The following MRPL35 variants were observed in gnomAD, a reference collection of about 807,000 sequenced individuals.
The protein encoded by MRPL35 is large ribosomal subunit protein bL35m.
A neutral mutation model predicts 21.6 loss-of-function variants in MRPL35; 18 were observed. That is an observed-to-expected ratio of 0.83 (90% CI 0.58 to 1.24). The LOEUF is 1.24. MRPL35 is among the 50% of genes most tolerant of loss of function. The pLI is 0.00. For synonymous variants in MRPL35, 87 were observed against 86.9 expected (o/e 1.00, Z -0.01); for missense variants, 223 against 223.2 (o/e 1.00, Z 0.01).
chr2:86,206,411 C>T, intron 2 of MRPL35, 116 bp downstream of exon 2: 1 of 939,884 alleles, frequency 1.1e-6, no homozygotes, highest in Non-Finnish European at 1.6e-6. Flanking sequence ...CAGCTCACTG[C>T]AACCTCCACC....
chr2:86,199,629 A>G, intron 1 of MRPL35, 96 bp downstream of exon 1: 1 of 1,458,594 alleles, frequency 6.9e-7, no homozygotes, highest in Middle Eastern at 2.0e-4. Flanking sequence ...AACAAGCAAA[A>G]AGGGTCATTA....
Position 86,210,893 on chromosome 2 carries a change from G to A in MRPL35, c.*225G>A, listed in dbSNP as rs1342610091. 24 of 1,202,662 alleles carry A rather than the reference G, an allele frequency of 2.0e-5. No homozygotes were observed. Among genetic ancestry groups the A allele is most frequent in the Non-Finnish European group, 2.5e-5 (24 of 966,654 alleles). The allele number at this position is 1,202,662 out of a possible 1,614,324, so 74.5% of individuals were successfully genotyped here. A position where few individuals can be genotyped will look rare whatever the true frequency, so the allele number is the denominator to read the frequency against. ...AATGGTGCATTATTTTTAACAAATG[G>A]TATTGGCTTAACTAGTTGTTTCAGT... On this transcript the variant is annotated 3_prime_UTR_variant, in exon 4 of 4. Coordinates refer to ENST00000337109, the MANE Select transcript of MRPL35 (RefSeq NM_016622.4).
chr2:86,212,716 A>G lies in MRPL35; in HGVS notation c.*2048A>G. On this transcript the variant is annotated 3_prime_UTR_variant, in exon 4 of 4. Transcript: ENST00000337109. ...AAGATGGACTGAAGTGGGATGGCTG[A>G]CAGGCACATAACTTACGGGAAAGGG... 1.7e-6 allele frequency: 2 copies of G among 1,203,676 alleles called. No homozygotes were observed. Among genetic ancestry groups the G allele is most frequent in the East Asian group, 3.5e-5 (1 of 28,258 alleles). 74.6% of individuals were successfully genotyped at this position (1,203,676 alleles called of 1,614,324 possible).
At chr2:86,199,625 C>T in intron 1 of MRPL35, 92 bp downstream of exon 1, 1 of 1,452,160 alleles carries the variant, frequency 6.9e-7, no homozygotes, top group Non-Finnish European at 9.5e-7. Flanking sequence ...GGTTAACAAG[C>T]AAAAAGGGTC....
At chr2:86,200,674 A>G (rs1023911718) in intron 1 of MRPL35, among the ~76,000 whole-genome samples, 7 of 151,486 alleles carry the variant, frequency 4.6e-5, no homozygotes, top group African/African-American at 1.7e-4. Flanking sequence ...TCTCATTGCT[A>G]TATAATTCTT....
chr2:86,209,677 A>G (rs993552957), intron 3 of MRPL35, among the ~76,000 whole-genome samples: 1 of 152,192 alleles, frequency 6.6e-6, no homozygotes, highest in African/African-American at 2.4e-5. Flanking sequence ...AAAATAATAA[A>G]TGAAGCAATA....
chr2:86,199,583 T>A (rs1332591806), intron 1 of MRPL35, 50 bp downstream of exon 1: 1 of 1,607,064 alleles, frequency 6.2e-7, no homozygotes, highest in Non-Finnish European at 8.5e-7. Context: ...AAGGGGAAAC[T>A]GGTGCGGGAT....
Position 86,206,171 on chromosome 2 carries a change from CTT to C in MRPL35, c.110_111del (p.Leu37HisfsTer10). The C allele has an allele frequency of 1.2e-6, 2 of 1,613,966 alleles. No individual in the cohort carries two copies. Among genetic ancestry groups the C allele is most frequent in the South Asian group, 2.2e-5 (2 of 91,082 alleles). On this transcript the variant is annotated frameshift_variant, in exon 2 of 4. Transcript: ENST00000337109. LOFTEE classifies it high-confidence loss of function. ...CCGCAACTGTGTCAAGAATGCCTCT[CTT>C]ATTTCTGCATTGTCCACTGGACGTT... ...TYRNCVKNAS[L>X]ISALSTGRFS...
chr2:86,201,971 T>G (rs1395238137), intron 1 of MRPL35, among the ~76,000 whole-genome samples: 1 of 152,240 alleles, frequency 6.6e-6, no homozygotes, highest in Admixed American at 6.5e-5. Context: ...TTACCTCTTT[T>G]GTGAAAACAT....
chr2:86,205,129 G>A (rs12714174), intron 1 of MRPL35, among the ~76,000 whole-genome samples: 62,072 of 151,922 alleles, frequency 0.41, 13,816 homozygotes, highest in Non-Finnish European at 0.51. Context: ...GGAGGCTGAG[G>A]TGGGAAGATA....
At position 86,210,793 on chromosome 2, in the gene MRPL35, A is replaced by G; in HGVS notation, c.*125A>G. 4 of 1,357,680 alleles carry G rather than the reference A, an allele frequency of 2.9e-6. No individual in the cohort carries two copies. The highest frequency in any genetic ancestry group is 2.9e-6 in the Non-Finnish European group (3 of 1,049,338). 84.1% of individuals were successfully genotyped at this position (1,357,680 alleles called of 1,614,324 possible). A position where few individuals can be genotyped will look rare whatever the true frequency, so the allele number is the denominator to read the frequency against. On this transcript the variant is annotated 3_prime_UTR_variant, in exon 4 of 4. Transcript: ENST00000337109. ...ATGAATACGTAAACATACAGTGACA[A>G]CATTAAACTTAGAAAAGTTTTAAAA...
At chr2:86,204,575 G>A (rs547781778) in intron 1 of MRPL35, among the ~76,000 whole-genome samples, 16 of 152,074 alleles carry the variant, frequency 1.1e-4, no homozygotes, top group Admixed American at 2.0e-4. Context: ...GGAGCTCCAC[G>A]AGTGATTCCG....
chr2:86,208,133 T>C (rs1330965099), intron 3 of MRPL35, among the ~76,000 whole-genome samples: 1 of 152,186 alleles, frequency 6.6e-6, no homozygotes, highest in Non-Finnish European at 1.5e-5. Context: ...ATAAATGGGT[T>C]GGTTGGAACT....
upstream of MRPL35, chr2:86,199,433 A>C: frequency 2.5e-6 from 4 of 1,604,986 alleles, no homozygotes; most frequent in East Asian, 2.2e-5. Context: ...CTTTCCCTTC[A>C]TTCTCTTTTG....
chr2:86,203,446 T>C (rs1386429380), intron 1 of MRPL35, among the ~76,000 whole-genome samples: 1 of 152,226 alleles, frequency 6.6e-6, no homozygotes, highest in Non-Finnish European at 1.5e-5. Context: ...CTTTGTTTCA[T>C]GTACAAAATT....
chr2:86,204,565 G>A lies in MRPL35; in HGVS notation c.44-1541G>A, dbSNP rs1015350707. On this transcript the variant is annotated intron_variant, in intron 1 of 3. Coordinates refer to ENST00000337109, the MANE Select transcript of MRPL35 (RefSeq NM_016622.4). ...TCAGTCAGAATTTATGGGTGGAGTC[G>A]GAGCTCCACGAGTGATTCCGATTTG... Among the ~76,000 whole-genome samples, 7 of 151,834 alleles carry A rather than the reference G, an allele frequency of 4.6e-5. No individual in the cohort carries two copies. The South Asian group carries it at 6.2e-4, about 13-fold the overall frequency.
chr2:86,206,081 A>G (rs201036123), intron 1 of MRPL35, 25 bp from the exon 2 acceptor site: 2 of 1,551,214 alleles, frequency 1.3e-6, no homozygotes, highest in African/African-American at 1.4e-5. Context: ...TGGAGTATTA[A>G]ATATATATGC....
chr2:86,205,967 G>A (rs1322469536), intron 1 of MRPL35, 139 bp from the exon 2 acceptor site: 9 of 767,614 alleles, frequency 1.2e-5, no homozygotes, highest in Non-Finnish European at 1.9e-5. Context: ...TAGTAAGGTG[G>A]TAAAAGCTTC....
At chr2:86,209,265 G>A (rs534057636) in intron 3 of MRPL35, among the ~76,000 whole-genome samples, 1 of 152,294 alleles carries the variant, frequency 6.6e-6, no homozygotes, top group Non-Finnish European at 1.5e-5. Context: ...AGAAGTTGAT[G>A]GTCACAGTGA....
Sources: allele counts gnomAD v4.1 joint callset (sites outside exome capture counted in the v4.1 genomes callset), GRCh38; gene constraint gnomAD v4.1.1; transcripts MANE v1.5; gene names NCBI Gene and HGNC (gene_info 2026-07-23, HGNC 2026-07-21).